Variants in RPS6KC1 observed in about 807,000 individuals in gnomAD.
RPS6KC1 encodes ribosomal protein S6 kinase C1, also known as inactive ribosomal protein S6 kinase delta-1.
In RPS6KC1, 54 loss-of-function variants were observed where a neutral mutation model predicts 103.8. That is an observed-to-expected ratio of 0.52 (90% confidence interval 0.42 to 0.65). RPS6KC1 has a LOEUF of 0.65. RPS6KC1 is among the 30% of genes least tolerant of loss of function. The pLI, the probability that RPS6KC1 is intolerant of heterozygous loss-of-function variation, is 0.00. For missense variants in RPS6KC1, 1,151 were observed against 1,253.8 expected (o/e 0.92, Z 1.24); for synonymous variants, 439 against 438.7 (o/e 1.00, Z -0.01).
intron 6 of RPS6KC1, among the ~76,000 whole-genome samples, chr1:213,157,965 A>G (rs1332355459): frequency 6.6e-6 from 1 of 152,138 alleles, no homozygotes; most frequent in Non-Finnish European, 1.5e-5. Flanking sequence ...AGATTTTGTC[A>G]GATATTGGTA....
the RPS6KC1 span, among the ~76,000 whole-genome samples, chr1:213,328,362 A>C: frequency 6.6e-6 from 1 of 151,922 alleles, no homozygotes; most frequent in Non-Finnish European, 1.5e-5. Flanking sequence ...TTACAAAGAC[A>C]TTTTGCCCAA....
the RPS6KC1 span, among the ~76,000 whole-genome samples, chr1:213,745,020 C>T: frequency 3.3e-5 from 5 of 152,310 alleles, no homozygotes; most frequent in Admixed American, 2.0e-4. Context: ...AACACAAACA[C>T]GCTGGCAGTG....
chr1:213,205,771 T>A (rs934005221), intron 8 of RPS6KC1, among the ~76,000 whole-genome samples: 7 of 151,850 alleles, frequency 4.6e-5, no homozygotes, highest in African/African-American at 1.7e-4. Context: ...ATCAGTTAAA[T>A]GTATATATTA....
At chr1:213,700,378 G>C in the RPS6KC1 span, among the ~76,000 whole-genome samples, 6 of 151,772 alleles carry the variant, frequency 4.0e-5, no homozygotes, top group Non-Finnish European at 8.8e-5. Flanking sequence ...TTTATTTCTT[G>C]GTTCTCTGTT....
At chr1:213,747,692 C>G in the RPS6KC1 span, among the ~76,000 whole-genome samples, 1 of 152,140 alleles carries the variant, frequency 6.6e-6, no homozygotes, top group East Asian at 1.9e-4. Context: ...GATTTTACAA[C>G]CTAGTCAGAG....
the RPS6KC1 span, among the ~76,000 whole-genome samples, chr1:213,622,397 A>C: frequency 2.6e-5 from 4 of 152,012 alleles, no homozygotes; most frequent in African/African-American, 9.7e-5. Flanking sequence ...TGTGAATTGG[A>C]ACTGGAAAGA....
chr1:213,166,103 GA>G (rs1293287812), intron 6 of RPS6KC1, among the ~76,000 whole-genome samples: 1 of 150,584 alleles, frequency 6.6e-6, no homozygotes. Context: ...TTGACATTTC[GA>G]ATTCCAAATT....
At chr1:213,699,823 C>T in the RPS6KC1 span, among the ~76,000 whole-genome samples, 1 of 151,952 alleles carries the variant, frequency 6.6e-6, no homozygotes, top group Non-Finnish European at 1.5e-5. Flanking sequence ...TTTCATATGC[C>T]TGTTTGCCAT....
At chr1:213,557,368 G>A in the RPS6KC1 span, among the ~76,000 whole-genome samples, 4 of 152,170 alleles carry the variant, frequency 2.6e-5, no homozygotes, top group Non-Finnish European at 5.9e-5. Flanking sequence ...TGGCTACAGG[G>A]CAGCTGTTTG....
the RPS6KC1 span, among the ~76,000 whole-genome samples, chr1:213,693,917 A>G: frequency 4.7e-4 from 71 of 152,206 alleles, no homozygotes; most frequent in Non-Finnish European, 2.1e-4. Context: ...CTTGAGTCAC[A>G]ATTCCTGCCC....
At chr1:213,713,472 G>A in the RPS6KC1 span, among the ~76,000 whole-genome samples, 1 of 152,202 alleles carries the variant, frequency 6.6e-6, no homozygotes, top group Non-Finnish European at 1.5e-5. Context: ...AGTAAGTATT[G>A]TTCATTGCTT....
the RPS6KC1 span, among the ~76,000 whole-genome samples, chr1:213,696,015 C>T: frequency 2.6e-5 from 4 of 152,118 alleles, no homozygotes; most frequent in Admixed American, 6.5e-5. Context: ...TCATCATGAA[C>T]CTTTAACTTG....
At chr1:213,575,095 T>A in the RPS6KC1 span, among the ~76,000 whole-genome samples, 2 of 152,114 alleles carry the variant, frequency 1.3e-5, no homozygotes, top group Non-Finnish European at 2.9e-5. Context: ...CATGTGAACT[T>A]GGGAAGGTTA....
the RPS6KC1 span, among the ~76,000 whole-genome samples, chr1:213,614,391 ATAGCCCACTCCTAATTC>A: frequency 6.6e-6 from 1 of 152,228 alleles, no homozygotes; most frequent in African/African-American, 2.4e-5. Context: ...GAATAAGTTA[ATAGCCCACTCCTAATTC>A]TGAGAGCCAC....
the RPS6KC1 span, among the ~76,000 whole-genome samples, chr1:213,561,737 C>A: frequency 1.3e-5 from 2 of 152,288 alleles, no homozygotes; most frequent in South Asian, 4.1e-4. Context: ...AATACATAAC[C>A]CAGCCCCACT....
intron 12 of RPS6KC1, among the ~76,000 whole-genome samples, chr1:213,249,601 A>G (rs918764768): frequency 8.5e-5 from 13 of 152,100 alleles, no homozygotes; most frequent in African/African-American, 3.1e-4. Context: ...TCATCAATCA[A>G]CTGTAATGGC....
At chr1:213,238,391 C>T (rs567001470) in intron 10 of RPS6KC1, among the ~76,000 whole-genome samples, 74 of 152,236 alleles carry the variant, frequency 4.9e-4, no homozygotes, top group Non-Finnish European at 7.9e-4. Flanking sequence ...GGGGAGAGGA[C>T]CAAATCATGG....
the RPS6KC1 span, among the ~76,000 whole-genome samples, chr1:213,442,409 G>T: frequency 3.3e-5 from 5 of 152,144 alleles, no homozygotes; most frequent in Admixed American, 6.5e-5. Flanking sequence ...CTTAACAGTT[G>T]GGAGCTTTTA....
chr1:213,113,172 C>A (rs1391933335), intron 4 of RPS6KC1, among the ~76,000 whole-genome samples: 1 of 151,864 alleles, frequency 6.6e-6, no homozygotes, highest in Non-Finnish European at 1.5e-5. Flanking sequence ...AGTTTACAGT[C>A]CCACCAACAG....
Sources: gnomAD v4.1 joint callset for allele counts (sites outside exome capture counted in the v4.1 genomes callset) on GRCh38, gnomAD v4.1.1 for gene constraint, MANE v1.5 for transcripts, NCBI Gene and HGNC (gene_info 2026-07-23, HGNC 2026-07-21) for gene names.